WDR27: variants seen among roughly 807,000 people sequenced by gnomAD.
WDR27 encodes the protein WD repeat domain 27.
A neutral mutation model predicts 114.4 loss-of-function variants in WDR27; 100 were observed. That is an observed-to-expected ratio of 0.87 (90% confidence interval 0.74 to 1.03). The LOEUF is 1.03. Among genes scored for constraint, WDR27 ranks in the 50% least tolerant of loss-of-function variants. The probability of loss-of-function intolerance (pLI) is 0.00; values close to 1 mark genes in which losing one functional copy is unlikely to be tolerated. For synonymous variants in WDR27, 449 were observed against 423.1 expected (o/e 1.06, Z -0.75); for missense variants, 1,129 against 1,092.9 (o/e 1.03, Z -0.47).
intron 1 of WDR27, among the ~76,000 whole-genome samples, chr6:169,693,986 T>A (rs1337627676): frequency 6.6e-6 from 1 of 152,140 alleles, no homozygotes; most frequent in Non-Finnish European, 1.5e-5. Context: ...GTAGAACAAA[T>A]AAAATTAACA....
intron 23 of WDR27, among the ~76,000 whole-genome samples, chr6:169,584,571 A>T (rs1285108115): frequency 6.6e-6 from 1 of 152,148 alleles, no homozygotes; most frequent in Non-Finnish European, 1.5e-5. Context: ...AACATTTGCT[A>T]TCTCTTGTCT....
intron 25 of WDR27, among the ~76,000 whole-genome samples, chr6:169,565,861 AC>A (rs1328978732): frequency 6.6e-6 from 1 of 152,120 alleles, no homozygotes; most frequent in Non-Finnish European, 1.5e-5. Flanking sequence ...TGTTGCCCAG[AC>A]TGCTCTCCTG....
intron 21 of WDR27, among the ~76,000 whole-genome samples, chr6:169,624,110 G>C (rs999347675): frequency 6.6e-6 from 1 of 151,834 alleles, no homozygotes; most frequent in Non-Finnish European, 1.5e-5. Context: ...CAGGTGTGCC[G>C]TGTGTGGGGT....
chr6:169,660,386 G>A (rs562204054), intron 10 of WDR27, among the ~76,000 whole-genome samples: 4 of 152,246 alleles, frequency 2.6e-5, no homozygotes, highest in South Asian at 2.1e-4. Context: ...GGTGTTCCAC[G>A]CTGCTGGGGC....
Position 169,657,006 on chromosome 6 carries a change from G to A in WDR27, c.1402+1270C>T, listed in dbSNP as rs368561013. Among the ~76,000 whole-genome samples, 17 of 152,280 alleles carry A rather than the reference G, an allele frequency of 1.1e-4. No individual in the cohort carries two copies. In the South Asian group the frequency reaches 1.9e-3, roughly 17 times the overall value. ...CACAATTTCTCAGAACTGTCCCCAT[G>A]GTGATGGGACGGCAGCAGAGCATAA... On this transcript the variant is annotated intron_variant, in intron 13 of 25. Transcript: ENST00000448612.
At position 169,458,545 on chromosome 6, in the gene WDR27, A is replaced by T. The variant is rs564119519; in HGVS notation, c.2646-911T>A. 1.3e-3 allele frequency among the ~76,000 whole-genome samples: 200 copies of T among 152,264 alleles called. 1 individual carries two copies. The highest frequency in any genetic ancestry group is 4.7e-3 in the African/African-American group (196 of 41,572). On this transcript the variant is annotated intron_variant, in intron 25 of 25. Coordinates refer to ENST00000448612, the MANE Select transcript of WDR27 (RefSeq NM_182552.5). ...TGTACTTGGGAAAAATTAGAAAGTG[A>T]CTGTGGAGTCCAAGGTGGGTGGATC...
chr6:169,623,404 T>C (rs1813833144), intron 21 of WDR27, among the ~76,000 whole-genome samples: 1 of 152,206 alleles, frequency 6.6e-6, no homozygotes. Context: ...TCTGTGTGAA[T>C]TACCCTTTCT....
Position 169,602,335 on chromosome 6 carries a change from A to G in WDR27, c.2322-14T>C. ...TGGCGCTCACACCTACAGGGAGGAA[A>G]GAAACACCAGGAGAAAAATCATTTT... On this transcript the variant is annotated splice_polypyrimidine_tract_variant and intron_variant, in intron 22 of 25. Transcript: ENST00000448612. The G allele has an allele frequency of 4.7e-6, 7 of 1,486,478 alleles. No individual in the cohort carries two copies. Among genetic ancestry groups the G allele is most frequent in the Non-Finnish European group, 4.6e-6 (5 of 1,093,834 alleles). 92.1% of individuals were successfully genotyped at this position (1,486,478 alleles called of 1,614,324 possible).
At chr6:169,532,572 A>G (rs1795726001) in intron 25 of WDR27, among the ~76,000 whole-genome samples, 1 of 152,238 alleles carries the variant, frequency 6.6e-6, no homozygotes, top group African/African-American at 2.4e-5. Context: ...GTCTTTTAGC[A>G]GAATACCCAC....
chr6:169,690,096 C>T (rs1784087041), intron 1 of WDR27, among the ~76,000 whole-genome samples: 1 of 151,878 alleles, frequency 6.6e-6, no homozygotes, highest in African/African-American at 2.4e-5. Context: ...TCATGCTGGT[C>T]ATATGGATTC....
chr6:169,477,763 T>C (rs1473957318), intron 25 of WDR27, among the ~76,000 whole-genome samples: 1 of 152,154 alleles, frequency 6.6e-6, no homozygotes, highest in Non-Finnish European at 1.5e-5. Flanking sequence ...AAGTAAAACA[T>C]ACAAATAATA....
At chr6:169,665,452 T>C in intron 7 of WDR27, 34 bp downstream of exon 7, 1 of 1,600,224 alleles carries the variant, frequency 6.2e-7, no homozygotes, top group Non-Finnish European at 8.5e-7. Context: ...CAGGCATGTC[T>C]GGGAACTGGA....
chr6:169,450,169 G>A, the WDR27 span, among the ~76,000 whole-genome samples: 25,630 of 152,116 alleles, frequency 0.17, 3,224 homozygotes, highest in East Asian at 0.61. Flanking sequence ...GAGCAACAGC[G>A]TCATGGGCAC....
chr6:169,683,813 C>T (rs1488270072), intron 2 of WDR27, among the ~76,000 whole-genome samples: 1 of 152,210 alleles, frequency 6.6e-6, no homozygotes, highest in Non-Finnish European at 1.5e-5. Flanking sequence ...CAGGAGAATC[C>T]CACAGTCCCT....
rs1817658297 is a variant in WDR27, at chr6:169,636,360, G to T, written c.2003+11C>A. The stretch of plus-strand genomic sequence containing the variant: ...GATCTAAAAATAATGCACAGGGCGG[G>T]GGGTGCCTACCTCTTAATCTCATCT... On this transcript the variant is annotated intron_variant, in intron 19 of 25. Transcript: ENST00000448612. The T allele has an allele frequency of 1.2e-6, 2 of 1,613,318 alleles. No individual in the cohort carries two copies. Among genetic ancestry groups the T allele is most frequent in the African/African-American group, 2.7e-5 (2 of 75,002 alleles).
intron 21 of WDR27, among the ~76,000 whole-genome samples, chr6:169,630,174 T>C (rs1815984802): frequency 6.6e-6 from 1 of 152,224 alleles, no homozygotes; most frequent in Non-Finnish European, 1.5e-5. Flanking sequence ...TAGATACATT[T>C]TTAGACATTG....
intron 1 of WDR27, among the ~76,000 whole-genome samples, chr6:169,691,366 T>A (rs1784458798): frequency 6.6e-6 from 1 of 152,222 alleles, no homozygotes; most frequent in Non-Finnish European, 1.5e-5. Context: ...ACTTTTTTTT[T>A]AATATTTGCA....
intron 25 of WDR27, among the ~76,000 whole-genome samples, chr6:169,496,069 T>C (rs536440547): frequency 2.6e-5 from 4 of 152,142 alleles, no homozygotes; most frequent in Admixed American, 1.3e-4. Flanking sequence ...TTACAAACCA[T>C]GATCAACTGG....
intron 24 of WDR27, among the ~76,000 whole-genome samples, chr6:169,577,324 G>C (rs1467904308): frequency 7.2e-6 from 1 of 138,052 alleles, no homozygotes; most frequent in Non-Finnish European, 1.6e-5. Flanking sequence ...CGTCCGCGCC[G>C]AGCCAGGAAT....
Sources: allele counts gnomAD v4.1 joint callset (sites outside exome capture counted in the v4.1 genomes callset), GRCh38; gene constraint gnomAD v4.1.1; transcripts MANE v1.5; gene names NCBI Gene and HGNC (gene_info 2026-07-23, HGNC 2026-07-21).